Variants in WWOX observed in about 807,000 individuals in gnomAD.
WWOX encodes WW domain containing oxidoreductase, also known as WW domain-containing oxidoreductase.
Under a neutral mutation model 46.2 loss-of-function variants are expected in WWOX, and 69 were observed. The ratio of observed to expected loss-of-function variants is 1.49; its 90% CI spans 1.23 to 1.82. WWOX has a LOEUF of 1.82. Ranked by LOEUF, WWOX falls within the 40% of genes most tolerant of loss-of-function variation. WWOX has a pLI of 0.00. For synonymous variants in WWOX, 359 were observed against 202.6 expected (o/e 1.77, Z -6.56); for missense variants, 919 against 542.6 (o/e 1.69, Z -6.89).
At chr16:78,947,058 TC>T (rs1478966140) in intron 8 of WWOX, among the ~76,000 whole-genome samples, 3 of 90,402 alleles carry the variant, frequency 3.3e-5, no homozygotes, top group Non-Finnish European at 8.4e-5. Flanking sequence ...AAAGAAAGTT[TC>T]TTTTTTTAAA....
At chr16:79,123,109 C>T (rs376586281) in intron 8 of WWOX, among the ~76,000 whole-genome samples, 5 of 152,212 alleles carry the variant, frequency 3.3e-5, no homozygotes, top group East Asian at 3.9e-4. Context: ...CTGGTCTGTG[C>T]GTGCTGTATA....
At chr16:78,680,326 G>A (rs533580298) in intron 8 of WWOX, among the ~76,000 whole-genome samples, 11 of 151,754 alleles carry the variant, frequency 7.2e-5, no homozygotes, top group Non-Finnish European at 8.8e-5. Context: ...GGAGGATTGC[G>A]TGAGCCCAGG....
intron 8 of WWOX, among the ~76,000 whole-genome samples, chr16:79,151,397 GA>G (rs1315477098): frequency 6.6e-6 from 1 of 152,226 alleles, no homozygotes; most frequent in African/African-American, 2.4e-5. Context: ...TAGACATGAA[GA>G]GTATGTGCGC....
chr16:79,060,396 G>A (rs2048337637), intron 8 of WWOX, among the ~76,000 whole-genome samples: 1 of 152,246 alleles, frequency 6.6e-6, no homozygotes, highest in African/African-American at 2.4e-5. Flanking sequence ...CTTGAAAACT[G>A]AAGTGATGGT....
chr16:78,914,685 C>T (rs964671918), intron 8 of WWOX, among the ~76,000 whole-genome samples: 22 of 151,678 alleles, frequency 1.5e-4, no homozygotes, highest in Non-Finnish European at 2.8e-4. Context: ...CCAGACTATC[C>T]TGGCTAACAC....
At chr16:78,722,644 A>C (rs150599941) in intron 8 of WWOX, among the ~76,000 whole-genome samples, 1 of 150,914 alleles carries the variant, frequency 6.6e-6, no homozygotes, top group Admixed American at 6.6e-5. Context: ...GACTAACAAG[A>C]GTAGAAGAGG....
chr16:78,841,943 A>G (rs4888860), intron 8 of WWOX, among the ~76,000 whole-genome samples: 99,091 of 151,932 alleles, frequency 0.65, 32,638 homozygotes, highest in South Asian at 0.77. Context: ...AATGCACTGG[A>G]CAGAGCTGGC....
At chr16:78,958,787 A>G (rs770390064) in intron 8 of WWOX, among the ~76,000 whole-genome samples, 2 of 152,216 alleles carry the variant, frequency 1.3e-5, no homozygotes, top group Admixed American at 6.5e-5. Flanking sequence ...TTTAATCTGA[A>G]AATAGGACAT....
chr16:78,099,747 GA>G lies in WWOX; in HGVS notation c.-31del, dbSNP rs1472111425. ...TGAGCGAGTGGACCCGGCAGCGGGC[GA>G]TAGGGGGGCCAGGTGCCTCCACAGT... On this transcript the variant is annotated 5_prime_UTR_variant, in exon 1 of 9. Transcript: ENST00000566780. 6.6e-7 allele frequency: 1 copy of G among 1,521,470 alleles called. No individual in the cohort carries two copies. Among genetic ancestry groups the G allele is most frequent in the African/African-American group, 1.4e-5 (1 of 70,922 alleles). The allele number at this position is 1,521,470 out of a possible 1,614,324, so 94.2% of individuals were successfully genotyped here. A position where few individuals can be genotyped will look rare whatever the true frequency, so the allele number is the denominator to read the frequency against.
At chr16:79,067,976 A>C (rs994672059) in intron 8 of WWOX, among the ~76,000 whole-genome samples, 21 of 152,184 alleles carry the variant, frequency 1.4e-4, no homozygotes, top group African/African-American at 5.1e-4. Flanking sequence ...TTTGAGAAAA[A>C]AGCCTGCACA....
chr16:79,070,905 G>C (rs1110563), intron 8 of WWOX, among the ~76,000 whole-genome samples: 151,919 of 152,304 alleles, frequency 1, 75,771 homozygotes, highest in Middle Eastern at 1. Context: ...AAGTAGCATC[G>C]TCACTCAGCA....
At chr16:78,438,927 C>A (rs1438368816) in intron 8 of WWOX, among the ~76,000 whole-genome samples, 1 of 152,048 alleles carries the variant, frequency 6.6e-6, no homozygotes, top group East Asian at 1.9e-4. Flanking sequence ...GTAATTCTGC[C>A]CTTGAATAAC....
At chr16:79,138,020 C>T (rs908495267) in intron 8 of WWOX, among the ~76,000 whole-genome samples, 5 of 152,132 alleles carry the variant, frequency 3.3e-5, no homozygotes, top group Non-Finnish European at 2.9e-5. Flanking sequence ...AAATGTTTTA[C>T]CCAAACTGTT....
intron 8 of WWOX, among the ~76,000 whole-genome samples, chr16:79,127,031 T>G (rs2049772739): frequency 6.6e-6 from 1 of 152,168 alleles, no homozygotes; most frequent in East Asian, 1.9e-4. Context: ...TTTTATTTTT[T>G]TTTAAATTAG....
intron 6 of WWOX, among the ~76,000 whole-genome samples, chr16:78,401,874 A>G (rs1306004564): frequency 1.3e-5 from 2 of 151,772 alleles, no homozygotes; most frequent in Non-Finnish European, 2.9e-5. Flanking sequence ...TAATTTTTGT[A>G]TTTTTAGTAG....
rs550081166 is a variant in WWOX at position 78,553,176 on chromosome 16, T to G, written c.1056+120424T>G. The G allele has an allele frequency of 1.2e-4, 18 of 152,364 alleles. 1 individual carries two copies. Among genetic ancestry groups the G allele is most frequent in the Admixed American group, 9.8e-4 (15 of 15,302 alleles). 9.4% of individuals were successfully genotyped at this position (152,364 alleles called of 1,614,324 possible). On this transcript the variant is annotated intron_variant, in intron 8 of 8. Transcript: ENST00000566780. ...ATCAGGAAGAATAGCTAATGGATGTTGGGCTTAATACCTAGGCGATGGGTT... is the reference window on the plus strand; with the variant it reads ...ATCAGGAAGAATAGCTAATGGATGTGGGGCTTAATACCTAGGCGATGGGTT...
intron 5 of WWOX, among the ~76,000 whole-genome samples, chr16:78,185,448 G>A (rs951247073): frequency 1.3e-5 from 2 of 151,516 alleles, no homozygotes; most frequent in African/African-American, 4.9e-5. Flanking sequence ...ACAAATCCTC[G>A]AAGCCGCAGA....
intron 8 of WWOX, among the ~76,000 whole-genome samples, chr16:78,650,496 C>A (rs540153616): frequency 5.8e-4 from 88 of 152,262 alleles, no homozygotes; most frequent in Non-Finnish European, 1.0e-3. Flanking sequence ...TTGAGATTTG[C>A]CCTGTGACTC....
intron 5 of WWOX, chr16:78,237,700 G>C (rs1240775683): frequency 1.3e-5 from 2 of 152,190 alleles, no homozygotes; most frequent in African/African-American, 4.8e-5. Flanking sequence ...AAAGAATAAA[G>C]AGGAGAATAT....
Sources: gnomAD v4.1 joint callset for allele counts (sites outside exome capture counted in the v4.1 genomes callset) on GRCh38, gnomAD v4.1.1 for gene constraint, MANE v1.5 for transcripts, NCBI Gene and HGNC (gene_info 2026-07-23, HGNC 2026-07-21) for gene names.